The following F2RL1 variants were observed in gnomAD, a reference collection of about 807,000 sequenced individuals.
F2RL1 encodes proteinase-activated receptor 2.
F2RL1 carries 16 observed loss-of-function variants against 21.7 expected under a neutral mutation model. The observed-to-expected ratio is 0.74, with a 90% CI of 0.50 to 1.12. The LOEUF (loss-of-function observed/expected upper bound fraction) is 1.12, where lower values mean the gene tolerates loss of function less well. F2RL1 is among the 50% of genes most tolerant of loss of function. The pLI is 0.00. For missense variants in F2RL1, 432 were observed against 477.8 expected (o/e 0.90, Z 0.89); for synonymous variants, 181 against 186.7 (o/e 0.97, Z 0.25).
At position 76,825,931 on chromosome 5, in the gene F2RL1, A is replaced by C. The variant is rs996022230; in HGVS notation, c.82+6667A>C. On this transcript the variant is annotated intron_variant, in intron 1 of 1. Coordinates refer to ENST00000296677, the MANE Select transcript of F2RL1 (RefSeq NM_005242.6). ...GGTCTTTATTTTAGCATTCTTATTT[A>C]AAACAGATTTTGAGCACTCTTTATG... 3.3e-5 allele frequency among the ~76,000 whole-genome samples: 5 copies of C among 152,184 alleles called. No individual in the cohort carries two copies. The East Asian group carries it at 5.8e-4, about 18-fold the overall frequency.
At chr5:76,831,921 T>G (rs1580935907) in intron 1 of F2RL1, among the ~76,000 whole-genome samples, 1 of 151,800 alleles carries the variant, frequency 6.6e-6, no homozygotes, top group Admixed American at 6.6e-5. Context: ...CACCTGTAAT[T>G]CCAGCACTTT....
At chr5:76,824,335 C>T (rs1343690557) in intron 1 of F2RL1, among the ~76,000 whole-genome samples, 1 of 150,290 alleles carries the variant, frequency 6.7e-6, no homozygotes, top group Admixed American at 6.6e-5. Context: ...CCTCTTCCCG[C>T]CCATCCCCGA....
intron 1 of F2RL1, among the ~76,000 whole-genome samples, chr5:76,829,453 C>T (rs1168555405): frequency 6.6e-6 from 1 of 152,058 alleles, no homozygotes; most frequent in East Asian, 1.9e-4. Flanking sequence ...GGTCCTTTAT[C>T]CTGTAGCAGT....
rs1750394394 is a variant in F2RL1 at position 76,833,493 on chromosome 5, T to C, written c.886T>C (p.Tyr296His). 6.2e-7 allele frequency: 1 copy of C among 1,613,956 alleles called. No individual in the cohort carries two copies. The highest frequency in any genetic ancestry group is 2.2e-5 in the East Asian group (1 of 44,842). The stretch of plus-strand genomic sequence containing the variant: ...ACTCATTGTCACTGTCCTGGCCATG[T>C]ACCTGATCTGCTTCACTCCTAGTAA... ...IKLIVTVLAM[Y>H]LICFTPSNLL... Residue 296 changes from tyrosine to histidine, a missense_variant, in exon 2 of 2, where the codon TAC becomes CAC. By Grantham distance (83) the Tyr-to-His change is moderately conservative. Coordinates refer to ENST00000296677, the MANE Select transcript of F2RL1 (RefSeq NM_005242.6).
chr5:76,833,830 A>C lies in F2RL1; in HGVS notation c.*29A>C. ...TTCCAGGTCCTCAGATGGGAATTGC[A>C]CAGTAGGATGTGGAACCTGTTTAAT... On this transcript the variant is annotated 3_prime_UTR_variant, in exon 2 of 2. Coordinates refer to ENST00000296677, the MANE Select transcript of F2RL1 (RefSeq NM_005242.6). 6.2e-7 allele frequency: 1 copy of C among 1,600,198 alleles called. No homozygotes were observed. The highest frequency in any genetic ancestry group is 8.5e-7 in the Non-Finnish European group (1 of 1,172,082).
At chr5:76,821,418 C>T (rs909546548) in intron 1 of F2RL1, among the ~76,000 whole-genome samples, 1 of 152,024 alleles carries the variant, frequency 6.6e-6, no homozygotes, top group African/African-American at 2.4e-5. Flanking sequence ...CCCAGAGTAC[C>T]CTGGCTGGTC....
chr5:76,825,262 C>T (rs1750218126), intron 1 of F2RL1, among the ~76,000 whole-genome samples: 2 of 152,114 alleles, frequency 1.3e-5, no homozygotes, highest in Non-Finnish European at 2.9e-5. Context: ...GCCTCGGCCT[C>T]CCAAAGTGCT....
At position 76,835,313 on chromosome 5, in the gene F2RL1, T is replaced by A. The variant is rs1750435514; in HGVS notation, c.*1512T>A. 1 of 152,360 alleles carries A rather than the reference T, an allele frequency of 6.6e-6. No homozygotes were observed. The highest frequency in any genetic ancestry group is 6.5e-5 in the Admixed American group (1 of 15,282). 9.4% of individuals were successfully genotyped at this position (152,360 alleles called of 1,614,324 possible). Reference sequence around the variant, plus strand: ...TAAATAACAAAATTTTTTTTACAACTTATTTCTGAGTTGTGCGTTTGTTTT... The same window carrying A: ...TAAATAACAAAATTTTTTTTACAACATATTTCTGAGTTGTGCGTTTGTTTT... On this transcript the variant is annotated 3_prime_UTR_variant, in exon 2 of 2. Coordinates refer to ENST00000296677, the MANE Select transcript of F2RL1 (RefSeq NM_005242.6).
chr5:76,821,673 G>A (rs1236036792), intron 1 of F2RL1, among the ~76,000 whole-genome samples: 2 of 146,420 alleles, frequency 1.4e-5, no homozygotes, highest in African/African-American at 2.5e-5. Context: ...CACCTCTCCC[G>A]GGCTCAAGGA....
rs1285851815 is a variant in F2RL1, at chr5:76,833,276, C to G, written c.669C>G (p.Ile223Met). ...KQTIFIPALN[I>M]TTCHDVLPEQ... ...CCATCTTCATTCCTGCCCTGAACAT[C>G]ACGACCTGTCATGATGTTTTGCCTG... The change falls in exon 2 of 2, where the codon ATC becomes ATG. Residue 223 changes from isoleucine to methionine, a missense_variant. By Grantham distance (10) the Ile-to-Met change is conservative (BLOSUM62 1). Transcript: ENST00000296677. 1.9e-6 allele frequency: 3 copies of G among 1,613,652 alleles called. No homozygotes were observed. The African/African-American group carries it at 4.0e-5, about 22-fold the overall frequency.
At chr5:76,828,423 T>G (rs536650909) in intron 1 of F2RL1, among the ~76,000 whole-genome samples, 1 of 152,260 alleles carries the variant, frequency 6.6e-6, no homozygotes, top group Non-Finnish European at 1.5e-5. Context: ...AATGCCATTA[T>G]AGTATCTACT....
chr5:76,830,596 G>A (rs1046566781), intron 1 of F2RL1, among the ~76,000 whole-genome samples: 2 of 152,040 alleles, frequency 1.3e-5, no homozygotes, highest in African/African-American at 4.8e-5. Flanking sequence ...TCTTAGAAAC[G>A]ACACTTGTCA....
intron 1 of F2RL1, among the ~76,000 whole-genome samples, chr5:76,824,471 G>GTTCAGCCTCCCAA (rs1750203673): frequency 1.3e-5 from 2 of 151,774 alleles, no homozygotes; most frequent in Admixed American, 1.3e-4. Context: ...TGGGATTACA[G>GTTCAGCCTCCCAA]GTGCCCGCCA....
intron 1 of F2RL1, among the ~76,000 whole-genome samples, chr5:76,820,213 G>A (rs972890010): frequency 2.0e-5 from 3 of 152,186 alleles, no homozygotes; most frequent in African/African-American, 7.2e-5. Flanking sequence ...GTGTTCTTCC[G>A]GGCCCAGCAG....
intron 1 of F2RL1, among the ~76,000 whole-genome samples, chr5:76,826,292 T>C (rs1471234890): frequency 6.6e-6 from 1 of 152,216 alleles, no homozygotes; most frequent in Non-Finnish European, 1.5e-5. Flanking sequence ...TATTCAACCA[T>C]TACCACAATT....
In F2RL1 at chr5:76,833,157, TC is replaced by T. The variant is rs751314680; in HGVS notation, c.552del (p.Arg185GlyfsTer17). 2 of 1,614,194 alleles carry T rather than the reference TC, an allele frequency of 1.2e-6. No individual in the cohort carries two copies. The highest frequency in any genetic ancestry group is 3.3e-5 in the Admixed American group (2 of 60,026). ...YWVIVNPMGH[S>X]RKKANIAIGI... Reference sequence around the variant, plus strand: ...GGTCATCGTGAACCCCATGGGGCACTCCAGGAAGAAGGCAAACATTGCCATT... The same window carrying T: ...GGTCATCGTGAACCCCATGGGGCACTCAGGAAGAAGGCAAACATTGCCATT... On this transcript the variant is annotated frameshift_variant, in exon 2 of 2. Transcript: ENST00000296677. LOFTEE classifies it high-confidence loss of function.
chr5:76,821,332 T>G (rs550588942), intron 1 of F2RL1, among the ~76,000 whole-genome samples: 44 of 152,274 alleles, frequency 2.9e-4, no homozygotes, highest in African/African-American at 1.0e-3. Context: ...CCTACCATCC[T>G]TTCCATCACG....
intron 1 of F2RL1, among the ~76,000 whole-genome samples, chr5:76,827,872 C>T (rs1283848075): frequency 6.6e-6 from 1 of 152,128 alleles, no homozygotes; most frequent in African/African-American, 2.4e-5. Flanking sequence ...GCTGGGATTA[C>T]AGGCGTGAGC....
rs751814011 is a variant in F2RL1 at position 76,833,521 on chromosome 5, T to G, written c.914T>G (p.Leu305Arg). 6.2e-7 allele frequency: 1 copy of G among 1,613,748 alleles called. No homozygotes were observed. The highest frequency in any genetic ancestry group is 2.2e-5 in the East Asian group (1 of 44,804). Residue 305 changes from leucine to arginine, a missense_variant, in exon 2 of 2, where the codon CTT becomes CGT. Transcript: ENST00000296677. ...MYLICFTPSN[L>R]LLVVHYFLIK... ...CTGATCTGCTTCACTCCTAGTAACC[T>G]TCTGCTTGTGGTGCATTATTTTCTG...
Sources: gnomAD v4.1 joint callset for allele counts (sites outside exome capture counted in the v4.1 genomes callset) on GRCh38, gnomAD v4.1.1 for gene constraint, MANE v1.5 for transcripts, NCBI Gene and HGNC (gene_info 2026-07-23, HGNC 2026-07-21) for gene names.